AMPH: variants seen among roughly 807,000 people sequenced by gnomAD.
AMPH encodes amphiphysin.
In AMPH, 49 loss-of-function variants were observed where a neutral mutation model predicts 99.1. The observed-to-expected ratio is 0.49, with a 90% CI of 0.39 to 0.63. AMPH has a LOEUF of 0.63. Among genes scored for constraint, AMPH ranks in the 20% least tolerant of loss-of-function variants. The probability of loss-of-function intolerance (pLI) is 0.00; values close to 1 mark genes in which losing one functional copy is unlikely to be tolerated. For synonymous variants in AMPH, 314 were observed against 317.3 expected (o/e 0.99, Z 0.11); for missense variants, 759 against 863.4 (o/e 0.88, Z 1.52).
chr7:38,478,485 C>T (rs1788168755), intron 5 of AMPH, among the ~76,000 whole-genome samples: 2 of 152,244 alleles, frequency 1.3e-5, no homozygotes, highest in Non-Finnish European at 1.5e-5. Context: ...GACAAAAAGG[C>T]TGGCCAATTT....
intron 7 of AMPH, among the ~76,000 whole-genome samples, chr7:38,469,480 T>A (rs34523382): frequency 0.058 from 8,898 of 152,230 alleles, 272 homozygotes; most frequent in South Asian, 0.11. Flanking sequence ...GAGGGGAGTG[T>A]CAGTGCTTCC....
At chr7:38,610,460 T>C (rs1354000035) in intron 1 of AMPH, among the ~76,000 whole-genome samples, 1 of 150,926 alleles carries the variant, frequency 6.6e-6, no homozygotes, top group South Asian at 2.1e-4. Context: ...GAGGGGCACA[T>C]ACAAATAAAA....
At chr7:38,516,701 T>C (rs1040698346) in intron 2 of AMPH, among the ~76,000 whole-genome samples, 3 of 152,162 alleles carry the variant, frequency 2.0e-5, no homozygotes, top group Non-Finnish European at 2.9e-5. Flanking sequence ...CAATGGCAGA[T>C]CCACTGACAG....
chr7:38,571,876 C>T (rs1202717878), intron 1 of AMPH, among the ~76,000 whole-genome samples: 1 of 151,128 alleles, frequency 6.6e-6, no homozygotes, highest in East Asian at 1.9e-4. Flanking sequence ...CCTGCAAGCT[C>T]CATTCATGAT....
chr7:38,502,637 C>A (rs1230938804), intron 3 of AMPH, among the ~76,000 whole-genome samples: 2 of 152,168 alleles, frequency 1.3e-5, no homozygotes, highest in African/African-American at 2.4e-5. Flanking sequence ...GGATGTAGTT[C>A]TCCTGCCCAG....
chr7:38,625,734 T>C (rs990256101), intron 1 of AMPH, among the ~76,000 whole-genome samples: 1 of 151,738 alleles, frequency 6.6e-6, no homozygotes, highest in Non-Finnish European at 1.5e-5. Context: ...GAAAAGAGAG[T>C]AAAGTAATTT....
chr7:38,423,226 T>C (rs1785655846), intron 15 of AMPH, among the ~76,000 whole-genome samples: 1 of 152,210 alleles, frequency 6.6e-6, no homozygotes, highest in African/African-American at 2.4e-5. Flanking sequence ...GTATGAACCA[T>C]ATGTTAACAT....
At chr7:38,604,777 T>C (rs1271102278) in intron 1 of AMPH, among the ~76,000 whole-genome samples, 1 of 152,210 alleles carries the variant, frequency 6.6e-6, no homozygotes, top group Non-Finnish European at 1.5e-5. Context: ...GGACTGACTT[T>C]GTCATCTAAA....
intron 1 of AMPH, among the ~76,000 whole-genome samples, chr7:38,560,384 G>C (rs1791512970): frequency 6.6e-6 from 1 of 152,294 alleles, no homozygotes; most frequent in African/African-American, 2.4e-5. Context: ...TGCAACCTCA[G>C]TTGATATTAG....
chr7:38,454,226 C>T (rs774502022), intron 11 of AMPH, among the ~76,000 whole-genome samples: 2 of 152,258 alleles, frequency 1.3e-5, no homozygotes, highest in South Asian at 2.1e-4. Context: ...TCATGATTTG[C>T]CACTGCATTG....
At chr7:38,473,943 A>C (rs1046714825) in intron 7 of AMPH, among the ~76,000 whole-genome samples, 1 of 152,064 alleles carries the variant, frequency 6.6e-6, no homozygotes, top group African/African-American at 2.4e-5. Flanking sequence ...GGGAGAGAAG[A>C]GGTCTTCTTT....
In AMPH at chr7:38,627,242, T is replaced by C. The variant is rs142681226; in HGVS notation, c.69+4041A>G. On this transcript the variant is annotated intron_variant, in intron 1 of 20. Transcript: ENST00000356264. ...GCCACTGAGAGTTATACCAAAGAGT[T>C]CTGTAAAAATGCTGAAGGAGGCCGG... Among the ~76,000 whole-genome samples, 18 of 151,938 alleles carry C rather than the reference T, an allele frequency of 1.2e-4. No individual in the cohort carries two copies. In the East Asian group the frequency reaches 3.5e-3, roughly 29 times the overall value.
intron 5 of AMPH, among the ~76,000 whole-genome samples, chr7:38,477,860 A>C (rs991240801): frequency 2.0e-5 from 3 of 152,002 alleles, no homozygotes; most frequent in Non-Finnish European, 4.4e-5. Flanking sequence ...TGACCTCTAG[A>C]TTTTAGGCAA....
At chr7:38,626,357 A>G (rs1050781463) in intron 1 of AMPH, among the ~76,000 whole-genome samples, 2 of 152,176 alleles carry the variant, frequency 1.3e-5, no homozygotes, top group Admixed American at 6.5e-5. Context: ...ATATAGACCA[A>G]TGGAACAGAA....
At chr7:38,498,048 T>C (rs1788996755) in intron 3 of AMPH, among the ~76,000 whole-genome samples, 1 of 152,036 alleles carries the variant, frequency 6.6e-6, no homozygotes, top group Non-Finnish European at 1.5e-5. Flanking sequence ...GTCTTACTAA[T>C]ACCTCAAACT....
At chr7:38,569,418 T>A (rs1233648607) in intron 1 of AMPH, among the ~76,000 whole-genome samples, 1 of 151,936 alleles carries the variant, frequency 6.6e-6, no homozygotes, top group Non-Finnish European at 1.5e-5. Flanking sequence ...ATATCGTATT[T>A]GTGTGATTAT....
At chr7:38,441,176 G>A (rs962043449) in intron 11 of AMPH, among the ~76,000 whole-genome samples, 1 of 151,974 alleles carries the variant, frequency 6.6e-6, no homozygotes, top group Non-Finnish European at 1.5e-5. Context: ...GGATAAAGAG[G>A]ATCATTGCCT....
At position 38,494,436 on chromosome 7, in the gene AMPH, A is replaced by T. The variant is rs958124550; in HGVS notation, c.297T>A (p.Gly99=). 1 of 1,613,538 alleles carries T rather than the reference A, an allele frequency of 6.2e-7. No homozygotes were observed. The highest frequency in any genetic ancestry group is 8.5e-7 in the Non-Finnish European group (1 of 1,179,652). The change falls in exon 4 of 21, where the codon GGT becomes GGA. Residue 99 remains glycine (G), a synonymous_variant. Coordinates refer to ENST00000356264, the MANE Select transcript of AMPH (RefSeq NM_001635.4). The part of the protein sequence containing the change: ...WYGREDVKMV[G]EKCDVLWEDF... ...TGGAAGCCACCCCAGCTCTTACCTC[A>T]CCAACCATTTTCACATCTTCCCGCC...
At chr7:38,449,243 G>C (rs1038941460) in intron 11 of AMPH, among the ~76,000 whole-genome samples, 2 of 152,140 alleles carry the variant, frequency 1.3e-5, no homozygotes, top group African/African-American at 4.8e-5. Flanking sequence ...GAGTGATATC[G>C]ATTTGTTCAT....
Sources: allele counts gnomAD v4.1 joint callset (sites outside exome capture counted in the v4.1 genomes callset), GRCh38; gene constraint gnomAD v4.1.1; transcripts MANE v1.5; gene names NCBI Gene and HGNC (gene_info 2026-07-23, HGNC 2026-07-21).